The following PIGL variants were observed in gnomAD, a reference collection of about 807,000 sequenced individuals.
The protein encoded by PIGL is N-acetylglucosaminyl-phosphatidylinositol de-N-acetylase.
Under a neutral mutation model 31.1 loss-of-function variants are expected in PIGL, and 22 were observed. That is an observed-to-expected ratio of 0.71 (90% confidence interval 0.51 to 1.01). The LOEUF (loss-of-function observed/expected upper bound fraction) is 1.01. PIGL is among the 50% of genes least tolerant of loss of function. The pLI is 0.00. For synonymous variants in PIGL, 131 were observed against 117.4 expected, an observed-to-expected ratio of 1.12 and a Z score of -0.75; for missense variants, 302 against 315.9, an observed-to-expected ratio of 0.96 and a Z score of 0.33.
At chr17:16,263,478 A>G (rs2092827598) in intron 2 of PIGL, among the ~76,000 whole-genome samples, 1 of 151,308 alleles carries the variant, frequency 6.6e-6, no homozygotes, top group Non-Finnish European at 1.5e-5. Flanking sequence ...GCCAAATTAT[A>G]CACTTTGTTT....
At chr17:16,284,070 G>C (rs573244420) in intron 2 of PIGL, 1 of 152,238 alleles carries the variant, frequency 6.6e-6, no homozygotes, top group Admixed American at 6.6e-5. Flanking sequence ...CCGCTTCCCA[G>C]GTTCAAGCGA....
intron 2 of PIGL, among the ~76,000 whole-genome samples, chr17:16,290,086 T>C (rs544988811): frequency 1.3e-5 from 2 of 151,256 alleles, no homozygotes; most frequent in South Asian, 2.1e-4. Context: ...TTCTTTTTTT[T>C]CTCTTTTTTT....
chr17:16,266,830 C>G (rs568183167), intron 2 of PIGL, among the ~76,000 whole-genome samples: 28 of 151,782 alleles, frequency 1.8e-4, no homozygotes, highest in African/African-American at 6.5e-4. Flanking sequence ...ATCTCCTGAC[C>G]TCGTGATTTG....
intron 2 of PIGL, among the ~76,000 whole-genome samples, chr17:16,251,681 TG>T (rs1209833267): frequency 6.6e-6 from 1 of 150,750 alleles, no homozygotes; most frequent in African/African-American, 2.4e-5. Context: ...ACATCTAGTA[TG>T]ATGTTAAAAT....
At chr17:16,312,928 A>AGGGGGGGGGGGGGGGGGGGG (rs869065594) in intron 3 of PIGL, 1 of 25,342 alleles carries the variant, frequency 3.9e-5, no homozygotes, top group African/African-American at 1.3e-4. Context: ...GGGAGGGGGA[A>AGGGGGGGGGGGGGGGGGGGG]GGGGGGGGGA....
Position 16,313,529 on chromosome 17 carries a change from C to A in PIGL, c.427-18C>A. On this transcript the variant is annotated intron_variant, in intron 3 of 6. Transcript: ENST00000225609. ...TGGTGGAGAAGGCATTCAGTGAAAA[C>A]CCTGTGTTTCTCTACAGGTGGTGAC... 3.1e-6 allele frequency: 5 copies of A among 1,598,716 alleles called. No homozygotes were observed. Among genetic ancestry groups the A allele is most frequent in the Non-Finnish European group, 4.3e-6 (5 of 1,165,940 alleles).
intron 1 of PIGL, chr17:16,217,721 T>G: frequency 2.1e-6 from 1 of 473,506 alleles, no homozygotes; most frequent in Non-Finnish European, 3.8e-6. Context: ...ATTCAGTACC[T>G]GCATTTCCGT....
chr17:16,257,375 C>T (rs369658819), intron 2 of PIGL, among the ~76,000 whole-genome samples: 11 of 151,964 alleles, frequency 7.2e-5, no homozygotes, highest in Non-Finnish European at 1.3e-4. Context: ...TGAGATCACA[C>T]CATTGCACTC....
At chr17:16,306,964 GCCTTTCTC>G (rs1431710714) in intron 3 of PIGL, among the ~76,000 whole-genome samples, 2 of 152,202 alleles carry the variant, frequency 1.3e-5, no homozygotes, top group African/African-American at 2.4e-5. Flanking sequence ...CCCTGGGAAA[GCCTTTCTC>G]TGCAGAGCAC....
At chr17:16,319,044 C>G (rs2093091364) in intron 6 of PIGL, among the ~76,000 whole-genome samples, 1 of 150,398 alleles carries the variant, frequency 6.6e-6, no homozygotes, top group Non-Finnish European at 1.5e-5. Context: ...GCTTGCTGGG[C>G]AACAGAGCAA....
chr17:16,279,311 G>A (rs2092907589), intron 2 of PIGL, among the ~76,000 whole-genome samples: 1 of 152,234 alleles, frequency 6.6e-6, no homozygotes, highest in Admixed American at 6.5e-5. Context: ...AGAGCAGCCG[G>A]TCACTTTAAA....
rs188059737 is a variant in PIGL, at chr17:16,267,709, A to C, written c.336-32179A>C. ...GACTCCATATCAAAAAAAAGAAAAA[A>C]AGAAAAAAAAAAGAAAAGGAAAGAA... On this transcript the variant is annotated intron_variant, in intron 2 of 6. Coordinates refer to ENST00000225609, the MANE Select transcript of PIGL (RefSeq NM_004278.4). Among the ~76,000 whole-genome samples, 5 of 151,914 alleles carry C rather than the reference A, an allele frequency of 3.3e-5. No individual in the cohort carries two copies. The East Asian group carries it at 9.7e-4, about 29-fold the overall frequency.
chr17:16,314,835 C>T (rs2093069045), intron 4 of PIGL, among the ~76,000 whole-genome samples: 1 of 152,136 alleles, frequency 6.6e-6, no homozygotes, highest in Non-Finnish European at 1.5e-5. Context: ...GTCTTTCCAA[C>T]CACATGGTTA....
chr17:16,307,871 G>A (rs1329280901), intron 3 of PIGL, among the ~76,000 whole-genome samples: 5 of 150,148 alleles, frequency 3.3e-5, no homozygotes, highest in African/African-American at 7.4e-5. Flanking sequence ...CTTGGGAGAG[G>A]AAGACAGGAT....
At chr17:16,217,629 A>ACACAT in intron 1 of PIGL, 168 bp downstream of exon 1, 1 of 547,592 alleles carries the variant, frequency 1.8e-6, no homozygotes, top group Non-Finnish European at 3.2e-6. Context: ...CGGCCGGCTT[A>ACACAT]CCTGGTGGGT....
chr17:16,291,897 G>A (rs1164357244), intron 2 of PIGL, among the ~76,000 whole-genome samples: 2 of 151,936 alleles, frequency 1.3e-5, no homozygotes, highest in Non-Finnish European at 1.5e-5. Flanking sequence ...TAGGGCTGAG[G>A]CAGGAGGATC....
intron 3 of PIGL, among the ~76,000 whole-genome samples, chr17:16,307,534 G>C (rs929089877): frequency 2.6e-5 from 4 of 152,322 alleles, no homozygotes; most frequent in Non-Finnish European, 5.9e-5. Flanking sequence ...ATTTAAAAAT[G>C]TGTCCCCTTA....
At chr17:16,315,494 C>T (rs2093071395) in intron 4 of PIGL, among the ~76,000 whole-genome samples, 1 of 151,928 alleles carries the variant, frequency 6.6e-6, no homozygotes, top group South Asian at 2.1e-4. Flanking sequence ...TCCCCCTGTC[C>T]CCAGGGCTCA....
intron 3 of PIGL, among the ~76,000 whole-genome samples, chr17:16,310,940 C>T (rs11656811): frequency 0.4 from 60,788 of 152,050 alleles, 13,723 homozygotes; most frequent in Middle Eastern, 0.52. Flanking sequence ...ATCACAGCTT[C>T]GGCCTCTGCT....
Sources: gnomAD v4.1 joint callset for allele counts (sites outside exome capture counted in the v4.1 genomes callset) on GRCh38, gnomAD v4.1.1 for gene constraint, MANE v1.5 for transcripts, NCBI Gene and HGNC (gene_info 2026-07-23, HGNC 2026-07-21) for gene names.